The following SORBS2 variants were observed in gnomAD, a reference collection of about 807,000 sequenced individuals.
SORBS2 encodes the protein sorbin and SH3 domain containing 2.
A neutral mutation model predicts 97.7 loss-of-function variants in SORBS2; 46 were observed. The ratio of observed to expected loss-of-function variants is 0.47; its 90% CI spans 0.37 to 0.60. The LOEUF is 0.60. Among genes scored for constraint, SORBS2 ranks in the 20% least tolerant of loss-of-function variants. SORBS2 has a pLI of 0.00. For synonymous variants in SORBS2, 476 were observed against 473.4 expected, an observed-to-expected ratio of 1.01 and a Z score of -0.07; for missense variants, 1,316 against 1,282.3, an observed-to-expected ratio of 1.03 and a Z score of -0.40.
At chr4:185,884,503 C>T (rs539803316) in intron 1 of SORBS2, among the ~76,000 whole-genome samples, 3 of 152,094 alleles carry the variant, frequency 2.0e-5, no homozygotes, top group Admixed American at 6.5e-5. Flanking sequence ...ATAAAGGCTC[C>T]AAAAAATAAA....
chr4:185,614,557 G>A (rs2096599068), intron 11 of SORBS2: 1 of 400,088 alleles, frequency 2.5e-6, no homozygotes, highest in African/African-American at 2.0e-5. Flanking sequence ...GAATGTATAA[G>A]TCCTTGATTT....
chr4:185,813,551 C>G (rs147520440), intron 1 of SORBS2, among the ~76,000 whole-genome samples: 7 of 152,190 alleles, frequency 4.6e-5, no homozygotes, highest in African/African-American at 1.7e-4. Flanking sequence ...TGTTGCTGAG[C>G]GTGCCCCTGC....
chr4:185,886,103 C>T (rs941202553), intron 1 of SORBS2, among the ~76,000 whole-genome samples: 7 of 152,070 alleles, frequency 4.6e-5, no homozygotes, highest in African/African-American at 7.2e-5. Context: ...AGCCCCTGGG[C>T]GATTGGGGAA....
chr4:185,880,988 G>T (rs1053108894), intron 1 of SORBS2, among the ~76,000 whole-genome samples: 5 of 152,042 alleles, frequency 3.3e-5, no homozygotes, highest in Admixed American at 6.5e-5. Context: ...AGAAAAAAGT[G>T]AAGAAAAAGA....
At chr4:185,634,303 C>T (rs935681811) in intron 4 of SORBS2, among the ~76,000 whole-genome samples, 1 of 152,168 alleles carries the variant, frequency 6.6e-6, no homozygotes, top group Non-Finnish European at 1.5e-5. Context: ...TCCTACAACA[C>T]AACGGTTCTA....
chr4:185,680,457 T>G lies in SORBS2; in HGVS notation c.-197-1635A>C, dbSNP rs78481922. Among the ~76,000 whole-genome samples, 76 of 152,252 alleles carry G rather than the reference T, an allele frequency of 5.0e-4. No homozygotes were observed. In the East Asian group the frequency reaches 0.014, roughly 27 times the overall value. Reference sequence around the variant, plus strand: ...ACTCAGGAGAGAGATTTAATAACCATGAGGCTGCCATCCACTGTGGACAAT... The same window carrying G: ...ACTCAGGAGAGAGATTTAATAACCAGGAGGCTGCCATCCACTGTGGACAAT... On this transcript the variant is annotated intron_variant, in intron 2 of 20. Transcript: ENST00000284776.
Position 185,879,170 on chromosome 4 carries a change from C to CA in SORBS2, c.-338+77025_-338+77026insT, listed in dbSNP as rs1554045438. Reference sequence around the variant, plus strand: ...ATATCTCCTAATGCTATCCCTCCCCCCCCCCCACCCCACGACAGGCCCCGG... The same window carrying CA: ...ATATCTCCTAATGCTATCCCTCCCCCACCCCCCACCCCACGACAGGCCCCGG... On this transcript the variant is annotated intron_variant, in intron 1 of 20. Coordinates refer to the SORBS2 transcript ENST00000284776. 5.2e-4 allele frequency among the ~76,000 whole-genome samples: 51 copies of CA among 98,834 alleles called. 2 individuals carry two copies. The highest frequency in any genetic ancestry group is 5.0e-4 in the Non-Finnish European group (24 of 48,324). 64.8% of individuals were successfully genotyped at this position (98,834 alleles called of 152,430 possible).
rs145941911 is a variant in SORBS2 at position 185,606,674 on chromosome 4, T to TCTC, written c.2796+5103_2796+5105dup. ...ATGGGGTGTTTTAGGCAGTTGGGTT[T>TCTC]CTCCTCCTCCTCCTCCTCTTCAATG... On this transcript the variant is annotated intron_variant, in intron 12 of 14. Transcript: ENST00000418609. The surrounding 1 kb of genome is among the most constrained non-coding windows in gnomAD (Gnocchi z 4.3). The TCTC allele has an allele frequency of 3.5e-5, 34 of 984,874 alleles. No individual in the cohort carries two copies. In the African/African-American group the frequency reaches 5.6e-4, roughly 16 times the overall value. The allele number at this position is 984,874 out of a possible 1,614,324, so 61.0% of individuals were successfully genotyped here. A position where few individuals can be genotyped will look rare whatever the true frequency, so the allele number is the denominator to read the frequency against.
chr4:185,878,999 CTTTGTT>C (rs1157989755), intron 1 of SORBS2, among the ~76,000 whole-genome samples: 12 of 152,090 alleles, frequency 7.9e-5, no homozygotes, highest in Non-Finnish European at 1.2e-4. Context: ...CGTTACTCGG[CTTTGTT>C]TTTGTTTGTT....
chr4:185,886,964 C>T (rs55982043), intron 1 of SORBS2, among the ~76,000 whole-genome samples: 35,554 of 152,012 alleles, frequency 0.23, 4,490 homozygotes, highest in East Asian at 0.54. Flanking sequence ...GACCTTCCAG[C>T]GGGCAGCGAT....
chr4:185,612,489 C>CTTTTT (rs1242366522), intron 11 of SORBS2, among the ~76,000 whole-genome samples: 1 of 144,020 alleles, frequency 6.9e-6, no homozygotes, highest in African/African-American at 2.7e-5. Flanking sequence ...TTTTTTATTT[C>CTTTTT]TATTTTTTTT....
chr4:185,820,597 C>T (rs2099196185), intron 1 of SORBS2, among the ~76,000 whole-genome samples: 1 of 152,196 alleles, frequency 6.6e-6, no homozygotes, highest in African/African-American at 2.4e-5. Context: ...GGCTAGGGAG[C>T]AGCGTGCGCG....
intron 1 of SORBS2, among the ~76,000 whole-genome samples, chr4:185,654,345 T>G (rs2097361912): frequency 6.6e-6 from 1 of 152,238 alleles, no homozygotes; most frequent in Non-Finnish European, 1.5e-5. Flanking sequence ...CTCATTTCTT[T>G]TACTGTACCA....
chr4:185,623,891 C>A lies in SORBS2; in HGVS notation c.1238G>T (p.Arg413Leu). The stretch of plus-strand genomic sequence containing the variant: ...GATCAGCTTTTCGAATTCGGAGATG[C>A]GTGTGGGCACCATGTCCCGGGGCAC... The change falls in exon 7 of 15, where the codon CGC (arginine) becomes CTC (leucine). Residue 413 changes from arginine to leucine, a missense_variant. Coordinates refer to ENST00000418609, the Ensembl canonical transcript of SORBS2. The surrounding 1 kb of genome is among the most constrained non-coding windows in gnomAD (Gnocchi z 6.4). 2 of 1,614,148 alleles carry A rather than the reference C, an allele frequency of 1.2e-6. No homozygotes were observed. Among genetic ancestry groups the A allele is most frequent in the South Asian group, 1.1e-5 (1 of 91,082 alleles).
chr4:185,924,722 C>T (rs1282156102), intron 1 of SORBS2, among the ~76,000 whole-genome samples: 1 of 152,176 alleles, frequency 6.6e-6, no homozygotes, highest in Non-Finnish European at 1.5e-5. Flanking sequence ...AATCAGACAC[C>T]GCCTCCTCCA....
At chr4:185,897,795 G>A (rs938734938) in intron 1 of SORBS2, among the ~76,000 whole-genome samples, 1 of 152,162 alleles carries the variant, frequency 6.6e-6, no homozygotes. Flanking sequence ...CCAGCACTTT[G>A]GGAGGCCGAG....
chr4:185,715,007 C>T (rs144341454), intron 2 of SORBS2, among the ~76,000 whole-genome samples: 2 of 152,246 alleles, frequency 1.3e-5, no homozygotes, highest in East Asian at 1.9e-4. Flanking sequence ...AAGTTAAAGG[C>T]TTGTAAATCA....
intron 13 of SORBS2, among the ~76,000 whole-genome samples, chr4:185,591,048 G>A (rs2095915998): frequency 6.6e-6 from 1 of 151,862 alleles, no homozygotes; most frequent in Non-Finnish European, 1.5e-5. Flanking sequence ...ATTACTTTAT[G>A]AGTCAGAAAA....
chr4:185,746,226 A>G (rs76967219), intron 2 of SORBS2, among the ~76,000 whole-genome samples: 2 of 152,338 alleles, frequency 1.3e-5, no homozygotes, highest in East Asian at 3.9e-4. Context: ...GGACATCACC[A>G]GAAGGCATGG....
Sources: allele counts gnomAD v4.1 joint callset (sites outside exome capture counted in the v4.1 genomes callset), GRCh38; gene constraint gnomAD v4.1.1; non-coding constraint Gnocchi (gnomAD v3.1); transcripts MANE v1.5; gene names NCBI Gene and HGNC (gene_info 2026-07-23, HGNC 2026-07-21).